AGMO: variants seen among roughly 807,000 people sequenced by gnomAD.
The protein encoded by AGMO is alkylglycerol monooxygenase.
In AGMO, 75 loss-of-function variants were observed where a neutral mutation model predicts 60.2. The observed-to-expected ratio is 1.25, with a 90% CI of 1.03 to 1.51. The LOEUF (loss-of-function observed/expected upper bound fraction) is 1.51, where lower values mean the gene tolerates loss of function less well. Among genes scored for constraint, AGMO ranks in the 40% most tolerant of loss-of-function variants. AGMO has a pLI of 0.00. For missense variants in AGMO, 763 were observed against 525.5 expected (o/e 1.45, Z -4.42); for synonymous variants, 261 against 177.1 (o/e 1.47, Z -3.76).
intron 12 of AGMO, among the ~76,000 whole-genome samples, chr7:15,314,422 T>C (rs140290095): frequency 0.013 from 1,927 of 152,254 alleles, 36 homozygotes; most frequent in South Asian, 0.064. Flanking sequence ...GGTATATATG[T>C]ATGCTTAAAG....
At chr7:15,330,529 A>C (rs1204205513) in intron 12 of AGMO, among the ~76,000 whole-genome samples, 1 of 152,114 alleles carries the variant, frequency 6.6e-6, no homozygotes. Context: ...GTGTTACTAG[A>C]AAGTTTTGAG....
chr7:15,337,433 T>C (rs982036613), intron 12 of AGMO, among the ~76,000 whole-genome samples: 4 of 152,080 alleles, frequency 2.6e-5, no homozygotes, highest in East Asian at 1.9e-4. Context: ...GAGGGTCTGG[T>C]AGCCTTGCAC....
At chr7:15,330,153 T>C (rs949801517) in intron 12 of AGMO, among the ~76,000 whole-genome samples, 8 of 152,206 alleles carry the variant, frequency 5.3e-5, no homozygotes, top group African/African-American at 1.4e-4. Flanking sequence ...ATTATTGATA[T>C]TGCAGTCACC....
chr7:15,525,743 T>G (rs1439686403), intron 3 of AGMO, among the ~76,000 whole-genome samples: 2 of 152,098 alleles, frequency 1.3e-5, no homozygotes, highest in Admixed American at 1.3e-4. Flanking sequence ...GAGGCGTAGC[T>G]GAGCCAGCCC....
the AGMO span, among the ~76,000 whole-genome samples, chr7:15,193,614 G>A: frequency 6.6e-6 from 1 of 152,082 alleles, no homozygotes; most frequent in East Asian, 1.9e-4. Context: ...ATATCTCCCT[G>A]TTTGCAAGCT....
At chr7:15,531,317 C>CATATATTCTAT (rs1199323283) in intron 3 of AGMO, among the ~76,000 whole-genome samples, 3 of 52,620 alleles carry the variant, frequency 5.7e-5, no homozygotes, top group Non-Finnish European at 9.1e-5. Context: ...ATATTCTATA[C>CATATATTCTAT]ATATATTCTA....
intron 12 of AGMO, among the ~76,000 whole-genome samples, chr7:15,276,838 A>C (rs1429351800): frequency 6.8e-6 from 1 of 147,244 alleles, no homozygotes; most frequent in Non-Finnish European, 1.5e-5. Context: ...TAAAGCTTTC[A>C]TGTGTAATTC....
At chr7:15,144,915 C>G in the AGMO span, among the ~76,000 whole-genome samples, 1 of 152,150 alleles carries the variant, frequency 6.6e-6, no homozygotes, top group Admixed American at 6.5e-5. Flanking sequence ...CTGCAAGCTC[C>G]GCCTTCCGGG....
chr7:15,214,075 A>G (rs901743999), intron 12 of AGMO, among the ~76,000 whole-genome samples: 3 of 151,974 alleles, frequency 2.0e-5, no homozygotes, highest in Non-Finnish European at 4.4e-5. Flanking sequence ...GTTGCTGTTT[A>G]TTTCTCTCTT....
rs533712101 is a variant in AGMO, at chr7:15,528,008, C to G, written c.409+16764G>C. On this transcript the variant is annotated intron_variant, in intron 3 of 12. Coordinates refer to ENST00000342526, the MANE Select transcript of AGMO (RefSeq NM_001004320.2). ...TCCCATGAGCTCTGATGAAGATGTA[C>G]AAGGAAATCAATGTTTTGATGCCTG... Among the ~76,000 whole-genome samples, 157 of 152,092 alleles carry G rather than the reference C, an allele frequency of 1.0e-3. 1 individual carries two copies. The highest frequency in any genetic ancestry group is 1.8e-3 in the Non-Finnish European group (125 of 68,008).
chr7:15,294,220 A>AT (rs374271790), intron 12 of AGMO, among the ~76,000 whole-genome samples: 3,676 of 152,020 alleles, frequency 0.024, 144 homozygotes, highest in African/African-American at 0.084. Context: ...TTAAGATATT[A>AT]TTTTTTTCTA....
intron 12 of AGMO, among the ~76,000 whole-genome samples, chr7:15,296,412 G>A (rs1051948181): frequency 5.3e-5 from 8 of 152,098 alleles, no homozygotes; most frequent in Admixed American, 1.3e-4. Context: ...AACTAGAAGC[G>A]TGATATTAAC....
At chr7:15,547,911 T>C (rs987985930) in intron 2 of AGMO, among the ~76,000 whole-genome samples, 6 of 152,100 alleles carry the variant, frequency 3.9e-5, no homozygotes, top group African/African-American at 9.7e-5. Flanking sequence ...GACTTAAATG[T>C]CCCTGTCTGA....
intron 4 of AGMO, among the ~76,000 whole-genome samples, chr7:15,419,346 GC>G (rs2128494508): frequency 6.6e-6 from 1 of 152,010 alleles, no homozygotes; most frequent in South Asian, 2.1e-4. Context: ...TGCTTGTTCT[GC>G]TAATGACTTT....
intron 12 of AGMO, among the ~76,000 whole-genome samples, chr7:15,328,920 T>C (rs1781422567): frequency 6.6e-6 from 1 of 152,246 alleles, no homozygotes; most frequent in Middle Eastern, 3.4e-3. Flanking sequence ...ATACCAGGTC[T>C]TGGAAGCATC....
intron 5 of AGMO, among the ~76,000 whole-genome samples, 155 bp downstream of exon 5, chr7:15,418,403 A>G (rs552389431): frequency 1.3e-5 from 2 of 152,162 alleles, no homozygotes; most frequent in Non-Finnish European, 2.9e-5. Flanking sequence ...TGCAATATAT[A>G]TTCACTAAAA....
intron 5 of AGMO, among the ~76,000 whole-genome samples, chr7:15,416,218 G>T (rs1257920555): frequency 1.3e-5 from 2 of 151,834 alleles, no homozygotes; most frequent in African/African-American, 4.8e-5. Context: ...ATTTTTAGTA[G>T]AAATGAGGTT....
chr7:15,278,617 G>C (rs1243643356), intron 12 of AGMO, among the ~76,000 whole-genome samples: 1 of 152,158 alleles, frequency 6.6e-6, no homozygotes, highest in African/African-American at 2.4e-5. Context: ...TCCTCAGCTG[G>C]AGCAATGGAG....
At chr7:15,343,828 G>C (rs945316450) in intron 12 of AGMO, among the ~76,000 whole-genome samples, 10 of 152,222 alleles carry the variant, frequency 6.6e-5, no homozygotes, top group Non-Finnish European at 1.5e-4. Flanking sequence ...TTATTACCTA[G>C]TATTGAAATA....
Sources: gnomAD v4.1 joint callset for allele counts (sites outside exome capture counted in the v4.1 genomes callset) on GRCh38, gnomAD v4.1.1 for gene constraint, MANE v1.5 for transcripts, NCBI Gene and HGNC (gene_info 2026-07-23, HGNC 2026-07-21) for gene names.